GMCL1: variants seen among roughly 807,000 people sequenced by gnomAD.
GMCL1 encodes the protein germ cell-less 1, spermatogenesis associated, also known as germ cell-less protein-like 1.
GMCL1 carries 54 observed loss-of-function variants against 75.5 expected under a neutral mutation model. The observed-to-expected ratio is 0.71, with a 90% confidence interval of 0.57 to 0.90. The LOEUF is 0.90. Among genes scored for constraint, GMCL1 ranks in the 40% least tolerant of loss-of-function variants. GMCL1 has a pLI of 0.00. For synonymous variants in GMCL1, 210 were observed against 209.6 expected (o/e 1.00, Z -0.02); for missense variants, 537 against 622.7 (o/e 0.86, Z 1.47).
intron 4 of GMCL1, 53 bp from the exon 5 acceptor site, chr2:69,843,096 G>A: frequency 2.3e-6 from 2 of 855,304 alleles, no homozygotes; most frequent in Non-Finnish European, 3.7e-6. Context: ...AGCTGTCAGA[G>A]CTAATTTTTC....
rs1017097149 is a variant in GMCL1 at position 69,877,892 on chromosome 2, G to T, written c.1453-1017G>T. The stretch of plus-strand genomic sequence containing the variant: ...GTCTCAGTAAAAAATTAAAACTTTG[G>T]ATTTAAACAGTGTTTAATAGTATCT... On this transcript the variant is annotated intron_variant, in intron 13 of 13. Coordinates refer to ENST00000282570, the MANE Select transcript of GMCL1 (RefSeq NM_178439.5). Among the ~76,000 whole-genome samples the T allele has an allele frequency of 3.3e-5, 5 of 152,112 alleles. 1 individual carries two copies. The South Asian group carries it at 1.0e-3, about 31-fold the overall frequency.
rs1222337169 is a variant in GMCL1 at position 69,880,863 on chromosome 2, AAAAAAG to A, written c.*1861_*1866del. ...ACTCCGTCTCAAAAAAAAAAAAAAA[AAAAAAG>A]AGGCTACTGTACTTATTTTTATATT... On this transcript the variant is annotated 3_prime_UTR_variant, in exon 14 of 14. Transcript: ENST00000282570. The A allele has an allele frequency of 2.0e-5, 3 of 152,054 alleles. No homozygotes were observed. Among genetic ancestry groups the A allele is most frequent in the South Asian group, 2.1e-4 (1 of 4,814 alleles). 9.4% of individuals were successfully genotyped at this position (152,054 alleles called of 1,614,324 possible).
chr2:69,864,590 CTTTT>C (rs534389389), intron 10 of GMCL1, among the ~76,000 whole-genome samples: 14 of 88,362 alleles, frequency 1.6e-4, no homozygotes, highest in Non-Finnish European at 8.9e-5. Flanking sequence ...TAGACTTTTA[CTTTT>C]TTTTTTTTTT....
intron 10 of GMCL1, among the ~76,000 whole-genome samples, chr2:69,864,297 A>G (rs1308136674): frequency 1.3e-5 from 2 of 152,020 alleles, no homozygotes; most frequent in Admixed American, 6.6e-5. Flanking sequence ...AATGTATTAT[A>G]TTACTGTTAT....
At chr2:69,831,495 C>G (rs1674670778) in intron 1 of GMCL1, among the ~76,000 whole-genome samples, 1 of 152,094 alleles carries the variant, frequency 6.6e-6, no homozygotes, top group Non-Finnish European at 1.5e-5. Flanking sequence ...TGGGTTGAAG[C>G]GATCCTCCCA....
intron 4 of GMCL1, among the ~76,000 whole-genome samples, chr2:69,842,076 G>A (rs1361523619): frequency 3.3e-5 from 5 of 152,208 alleles, no homozygotes; most frequent in African/African-American, 1.2e-4. Flanking sequence ...CAATGTGACA[G>A]ATGAATTGAA....
At chr2:69,852,795 T>C (rs1361360951) in intron 8 of GMCL1, among the ~76,000 whole-genome samples, 1 of 152,236 alleles carries the variant, frequency 6.6e-6, no homozygotes, top group Non-Finnish European at 1.5e-5. Flanking sequence ...TGCCTCGGCC[T>C]CCCAATGTGC....
rs1293125615 is a variant in GMCL1 at position 69,840,446 on chromosome 2, G to A, written c.482-496G>A. On this transcript the variant is annotated intron_variant, in intron 3 of 13. Transcript: ENST00000282570. Reference sequence around the variant, plus strand: ...AAAGAATATTTACAAAGCAAACCATGTGGGACATTCATAACAGTGGCAGTG... The same window carrying A: ...AAAGAATATTTACAAAGCAAACCATATGGGACATTCATAACAGTGGCAGTG... Among the ~76,000 whole-genome samples, 24 of 152,038 alleles carry A rather than the reference G, an allele frequency of 1.6e-4. 1 individual carries two copies. The highest frequency in any genetic ancestry group is 1.6e-3 in the Admixed American group (24 of 15,264).
intron 11 of GMCL1, among the ~76,000 whole-genome samples, chr2:69,866,084 A>T (rs1675809044): frequency 6.6e-6 from 1 of 152,124 alleles, no homozygotes; most frequent in Admixed American, 6.5e-5. Flanking sequence ...CCCTGTCTCT[A>T]CTAAAAATAC....
chr2:69,852,544 C>CTTTT (rs143568937), intron 8 of GMCL1, among the ~76,000 whole-genome samples: 9,970 of 147,656 alleles, frequency 0.068, 898 homozygotes, highest in African/African-American at 0.21. Context: ...GTCTGTCTGT[C>CTTTT]TTTTTTTTTT....
At chr2:69,836,899 G>T (rs1674833356) in intron 1 of GMCL1, among the ~76,000 whole-genome samples, 1 of 152,094 alleles carries the variant, frequency 6.6e-6, no homozygotes, top group Admixed American at 6.6e-5. Context: ...TGGCCCCTAA[G>T]ACTTCTCCTT....
intron 8 of GMCL1, among the ~76,000 whole-genome samples, chr2:69,851,487 A>G (rs1222384611): frequency 1.3e-5 from 2 of 152,072 alleles, no homozygotes; most frequent in Non-Finnish European, 1.5e-5. Context: ...GTGGTCGCCT[A>G]TAATCCCAGC....
chr2:69,838,302 A>T (rs529009322), intron 2 of GMCL1, among the ~76,000 whole-genome samples: 1 of 127,086 alleles, frequency 7.9e-6, no homozygotes, highest in South Asian at 2.6e-4. Flanking sequence ...GTACCACTGC[A>T]TTCCAGCCTG....
Position 69,829,680 on chromosome 2 carries a change from G to C in GMCL1, c.-213G>C, listed in dbSNP as rs1417009780. On this transcript the variant is annotated 5_prime_UTR_variant, in exon 1 of 14. Transcript: ENST00000282570. Reference sequence around the variant, plus strand: ...CCCGCGCTTTGTTGCGAAAGCGAGGGGGCGAGGTGCTGCGGTGCTAGAGCG... The same window carrying C: ...CCCGCGCTTTGTTGCGAAAGCGAGGCGGCGAGGTGCTGCGGTGCTAGAGCG... 3 of 540,068 alleles carry C rather than the reference G, an allele frequency of 5.6e-6. No homozygotes were observed. Among genetic ancestry groups the C allele is most frequent in the Non-Finnish European group, 9.5e-6 (3 of 314,786 alleles). 33.5% of individuals were successfully genotyped at this position (540,068 alleles called of 1,614,324 possible). A position where few individuals can be genotyped will look rare whatever the true frequency, so the allele number is the denominator to read the frequency against.
chr2:69,859,067 A>C, intron 9 of GMCL1, among the ~76,000 whole-genome samples: 1 of 147,760 alleles, frequency 6.8e-6, no homozygotes, highest in Non-Finnish European at 1.5e-5. Flanking sequence ...AATCGCTTGA[A>C]CCTGGGAGGT....
At position 69,844,154 on chromosome 2, in the gene GMCL1, A is replaced by G. The variant is rs755082301; in HGVS notation, c.716A>G (p.Asn239Ser). 6.3e-7 allele frequency: 1 copy of G among 1,575,564 alleles called. No individual in the cohort carries two copies. The highest frequency in any genetic ancestry group is 8.6e-7 in the Non-Finnish European group (1 of 1,159,526). The change falls in exon 6 of 14, where the codon AAT becomes AGT. Residue 239 changes from asparagine to serine, a missense_variant. Physicochemically the swap from Asn to Ser is conservative, Grantham distance 46. Coordinates refer to ENST00000282570, the MANE Select transcript of GMCL1 (RefSeq NM_178439.5). The part of the protein sequence containing the change: ...KKKCLEWLLN[N>S]LMTHQNVELF... ...AGGTGCCTTGAATGGCTTCTAAACA[A>G]TTTGATGACTCACCAGAATGTTGAA...
chr2:69,834,636 A>C (rs924380195), intron 1 of GMCL1, among the ~76,000 whole-genome samples: 4 of 152,030 alleles, frequency 2.6e-5, no homozygotes, highest in African/African-American at 9.7e-5. Context: ...TGCTCTCTGG[A>C]ACTTGTGGAA....
chr2:69,867,012 A>G (rs1402986230), intron 11 of GMCL1, among the ~76,000 whole-genome samples: 1 of 151,220 alleles, frequency 6.6e-6, no homozygotes, highest in African/African-American at 2.4e-5. Flanking sequence ...TGGCATGATC[A>G]TGACTCACTG....
Position 69,879,108 on chromosome 2 carries a change from T to G in GMCL1, c.*104T>G. 1.5e-6 allele frequency: 1 copy of G among 684,182 alleles called. No individual in the cohort carries two copies. Among genetic ancestry groups the G allele is most frequent in the Admixed American group, 2.6e-5 (1 of 39,106 alleles). The allele number at this position is 684,182 out of a possible 1,614,324, so 42.4% of individuals were successfully genotyped here. On this transcript the variant is annotated 3_prime_UTR_variant, in exon 14 of 14. Coordinates refer to ENST00000282570, the MANE Select transcript of GMCL1 (RefSeq NM_178439.5). ...GCCAGCTTTAATTTAATGGCCCTAC[T>G]GATATTCACATCGAAGGTGACTAAC...
Sources: gnomAD v4.1 joint callset for allele counts (sites outside exome capture counted in the v4.1 genomes callset) on GRCh38, gnomAD v4.1.1 for gene constraint, MANE v1.5 for transcripts, NCBI Gene and HGNC (gene_info 2026-07-23, HGNC 2026-07-21) for gene names.